PAPSS2: variants seen among roughly 807,000 people sequenced by gnomAD.
The protein encoded by PAPSS2 is bifunctional 3'-phosphoadenosine 5'-phosphosulfate synthase 2.
Under a neutral mutation model 66.5 loss-of-function variants are expected in PAPSS2, and 61 were observed. The ratio of observed to expected loss-of-function variants is 0.92; its 90% confidence interval spans 0.75 to 1.14. The LOEUF is 1.14. Ranked by LOEUF, PAPSS2 falls within the 50% of genes most tolerant of loss-of-function variation. PAPSS2 has a pLI of 0.00. For missense variants in PAPSS2, 708 were observed against 789.6 expected (o/e 0.90, Z 1.24); for synonymous variants, 289 against 287.5 (o/e 1.01, Z -0.05).
At chr10:87,690,463 C>A (rs963043741) in intron 1 of PAPSS2, among the ~76,000 whole-genome samples, 1 of 152,090 alleles carries the variant, frequency 6.6e-6, no homozygotes, top group Non-Finnish European at 1.5e-5. Flanking sequence ...GAGATGGGGG[C>A]GGAGGCAGAA....
chr10:87,670,180 T>C (rs578136708), intron 1 of PAPSS2, among the ~76,000 whole-genome samples: 25 of 152,398 alleles, frequency 1.6e-4, no homozygotes, highest in African/African-American at 5.8e-4. Context: ...TTTTATTGCC[T>C]AGCCTTACGG....
rs367885911 is a variant in PAPSS2, at chr10:87,713,312, TAAAAA to T, written c.381+20_381+24del. On this transcript the variant is annotated splice_donor_5th_base_variant and intron_variant, in intron 3 of 12. Transcript: ENST00000456849. Reference sequence around the variant, plus strand: ...AGCTTTATTTCTCCATTCGCAAAGGTAAAAAAAAAAAAAAAAAAAAAAGGCACTAC... The same window carrying T: ...AGCTTTATTTCTCCATTCGCAAAGGTAAAAAAAAAAAAAAAAAGGCACTAC... The T allele has an allele frequency of 5.0e-3, 2,854 of 571,360 alleles. 1 individual carries two copies. The highest frequency in any genetic ancestry group is 6.6e-3 in the Middle Eastern group (13 of 1,984). The allele number at this position is 571,360 out of a possible 1,614,324, so 35.4% of individuals were successfully genotyped here.
At chr10:87,726,254 A>AC (rs1853658178) in intron 8 of PAPSS2, among the ~76,000 whole-genome samples, 1 of 151,980 alleles carries the variant, frequency 6.6e-6, no homozygotes, top group African/African-American at 2.4e-5. Context: ...ACATGGTGAA[A>AC]CCCCGTCTCT....
intron 1 of PAPSS2, among the ~76,000 whole-genome samples, chr10:87,678,665 A>G (rs1852979609): frequency 6.6e-6 from 1 of 152,214 alleles, no homozygotes; most frequent in Admixed American, 6.5e-5. Flanking sequence ...GTAAATGGCC[A>G]ACAGATATGT....
intron 1 of PAPSS2, among the ~76,000 whole-genome samples, chr10:87,666,227 GTGCTGGGATTACAGGCATGAGCCACCA>G (rs1156778468): frequency 2.6e-5 from 4 of 152,288 alleles, no homozygotes; most frequent in African/African-American, 9.6e-5. Flanking sequence ...GCCTCCCAGA[GTGCTGGGATTACAGGCATGAGCCACCA>G]TGCTCATCCT....
Position 87,659,956 on chromosome 10 carries a change from C to T in PAPSS2, c.-26C>T. The T allele has an allele frequency of 6.2e-7, 1 of 1,611,868 alleles. No individual in the cohort carries two copies. Among genetic ancestry groups the T allele is most frequent in the Non-Finnish European group, 8.5e-7 (1 of 1,179,282 alleles). On this transcript the variant is annotated 5_prime_UTR_variant, in exon 1 of 13. Coordinates refer to ENST00000456849, the MANE Select transcript of PAPSS2 (RefSeq NM_001015880.2). The stretch of plus-strand genomic sequence containing the variant: ...CGTCCTTCGGTCTCTGCTCCCGGGA[C>T]CCGGGCTCCGCCGCAGCCAGCCAGC...
At chr10:87,709,430 GGAGAT>G in intron 2 of PAPSS2, 117 bp downstream of exon 2, 2 of 651,838 alleles carry the variant, frequency 3.1e-6, no homozygotes, top group Non-Finnish European at 5.6e-6. Context: ...AAGGAGGCTG[GGAGAT>G]GTAGTAGAAA....
intron 1 of PAPSS2, among the ~76,000 whole-genome samples, chr10:87,684,785 G>C (rs1056639273): frequency 7.2e-5 from 11 of 152,194 alleles, no homozygotes; most frequent in African/African-American, 2.7e-4. Flanking sequence ...TTGAAGCTAC[G>C]AGTGGCTTTA....
intron 1 of PAPSS2, among the ~76,000 whole-genome samples, chr10:87,663,488 A>G (rs10788561): frequency 0.64 from 96,945 of 151,910 alleles, 31,325 homozygotes; most frequent in East Asian, 0.92. Flanking sequence ...AACTACTGGA[A>G]GGAGGGACAA....
intron 1 of PAPSS2, among the ~76,000 whole-genome samples, chr10:87,698,887 T>G (rs553908001): frequency 6.6e-6 from 1 of 152,298 alleles, no homozygotes; most frequent in Admixed American, 6.5e-5. Flanking sequence ...ATAAAACCCC[T>G]ATGTTATGAA....
chr10:87,729,155 A>C (rs1486509474), intron 9 of PAPSS2, among the ~76,000 whole-genome samples: 1 of 152,082 alleles, frequency 6.6e-6, no homozygotes, highest in African/African-American at 2.4e-5. Context: ...AAAAACCTGA[A>C]GAGTTTCTTA....
intron 9 of PAPSS2, among the ~76,000 whole-genome samples, chr10:87,739,145 T>A (rs1358866536): frequency 6.6e-6 from 1 of 152,240 alleles, no homozygotes; most frequent in East Asian, 1.9e-4. Flanking sequence ...TTTTATGTCT[T>A]ACTTTTAGGT....
In PAPSS2 at chr10:87,714,846, GA is replaced by G; in HGVS notation, c.624del (p.Glu208AspfsTer13). On this transcript the variant is annotated frameshift_variant, in exon 5 of 13. Transcript: ENST00000456849. LOFTEE classifies it high-confidence loss of function. ...GAGTGACTGTGTCCACCAGGTAGTGGAACTTCTGCAAGAGCAGGTAGGTGAA... is the reference window on the plus strand; with the variant it reads ...GAGTGACTGTGTCCACCAGGTAGTGGACTTCTGCAAGAGCAGGTAGGTGAA... ...TVSDCVHQVVELLQEQNIVPY... is the reference protein window; with the variant it reads ...TVSDCVHQVVXLLQEQNIVPY... 6.2e-7 allele frequency: 1 copy of G among 1,608,042 alleles called. No homozygotes were observed. The highest frequency in any genetic ancestry group is 8.5e-7 in the Non-Finnish European group (1 of 1,174,452).
At chr10:87,671,772 A>C (rs982643570) in intron 1 of PAPSS2, among the ~76,000 whole-genome samples, 1 of 152,194 alleles carries the variant, frequency 6.6e-6, no homozygotes, top group African/African-American at 2.4e-5. Flanking sequence ...TTGAGAAAAA[A>C]ATATAAAGAA....
Position 87,715,086 on chromosome 10 carries a change from A to T in PAPSS2, c.741A>T (p.Leu247Phe). 6.3e-7 allele frequency: 1 copy of T among 1,594,990 alleles called. No homozygotes were observed. Among genetic ancestry groups the T allele is most frequent in the Non-Finnish European group, 8.6e-7 (1 of 1,162,574 alleles). Residue 247 changes from leucine (L) to phenylalanine (F), a missense_variant, in exon 6 of 13, where the codon TTA (leucine) becomes TTT (phenylalanine). Physicochemically the swap from Leu to Phe is conservative, Grantham distance 22. Transcript: ENST00000456849. ...VRAEAETLPS[L>F]SITKLDLQWV... Reference sequence around the variant, plus strand: ...CTGAGGCTGAAACTCTCCCTTCATTATCAATTACTAAGGTAAGTGGGTGCA... The same window carrying T: ...CTGAGGCTGAAACTCTCCCTTCATTTTCAATTACTAAGGTAAGTGGGTGCA...
chr10:87,713,388 A>G, intron 3 of PAPSS2, 78 bp downstream of exon 3: 1 of 808,636 alleles, frequency 1.2e-6, no homozygotes, highest in Admixed American at 2.2e-5. Flanking sequence ...CTGCTAGGGG[A>G]AGGAATCGGA....
Position 87,746,058 on chromosome 10 carries a change from C to A in PAPSS2, c.*88C>A. ...AGATGCTTTGTATTAAATTGCTTCT[C>A]AATGATGCATTTTAATCTTTTATAA... On this transcript the variant is annotated 3_prime_UTR_variant, in exon 13 of 13. Transcript: ENST00000456849. 1 of 1,249,342 alleles carries A rather than the reference C, an allele frequency of 8.0e-7. No homozygotes were observed. The highest frequency in any genetic ancestry group is 1.2e-6 in the Non-Finnish European group (1 of 861,140). The allele number at this position is 1,249,342 out of a possible 1,614,324, so 77.4% of individuals were successfully genotyped here.
intron 1 of PAPSS2, among the ~76,000 whole-genome samples, chr10:87,704,471 A>G (rs1014722499): frequency 8.5e-5 from 13 of 152,238 alleles, no homozygotes; most frequent in African/African-American, 2.9e-4. Flanking sequence ...AACTGTCTCT[A>G]TAGACAAATT....
At chr10:87,725,791 G>A (rs1334890140) in intron 8 of PAPSS2, among the ~76,000 whole-genome samples, 3 of 151,792 alleles carry the variant, frequency 2.0e-5, no homozygotes, top group Admixed American at 6.6e-5. Context: ...AAACTCCTGG[G>A]CTCAGGTGAC....
Sources: allele counts gnomAD v4.1 joint callset (sites outside exome capture counted in the v4.1 genomes callset), GRCh38; gene constraint gnomAD v4.1.1; transcripts MANE v1.5; gene names NCBI Gene and HGNC (gene_info 2026-07-23, HGNC 2026-07-21).